The following UTP11 variants were observed in gnomAD, a reference collection of about 807,000 sequenced individuals.
UTP11 encodes probable U3 small nucleolar RNA-associated protein 11.
A neutral mutation model predicts 39.0 loss-of-function variants in UTP11; 29 were observed. That is an observed-to-expected ratio of 0.74 (90% confidence interval 0.55 to 1.01). UTP11 has a LOEUF of 1.01. Ranked by LOEUF, UTP11 falls within the 50% of genes least tolerant of loss-of-function variation. UTP11 has a pLI of 0.00. For synonymous variants in UTP11, 111 were observed against 105.0 expected (o/e 1.06, Z -0.35); for missense variants, 281 against 306.0 (o/e 0.92, Z 0.61).
At chr1:38,023,521 G>C in intron 7 of UTP11, 24 bp from the exon 8 acceptor site, 2 of 1,596,114 alleles carry the variant, frequency 1.3e-6, no homozygotes, top group South Asian at 2.3e-5. Context: ...TCTCTTTACT[G>C]ATCACCTTTT....
chr1:38,023,637 A>G lies in UTP11; in HGVS notation c.*9A>G. ...GTCGTCGAAAACGTTGACGTGTTAT[A>G]GATAAGCCTTGTCATTCTGTATCAA... On this transcript the variant is annotated 3_prime_UTR_variant, in exon 8 of 8. Coordinates refer to ENST00000373014, the MANE Select transcript of UTP11 (RefSeq NM_016037.4). 1 of 1,601,538 alleles carries G rather than the reference A, an allele frequency of 6.2e-7. No homozygotes were observed. The highest frequency in any genetic ancestry group is 8.5e-7 in the Non-Finnish European group (1 of 1,175,152).
At chr1:38,013,868 C>T (rs1646692376) in intron 1 of UTP11, among the ~76,000 whole-genome samples, 1 of 152,154 alleles carries the variant, frequency 6.6e-6, no homozygotes, top group African/African-American at 2.4e-5. Context: ...GTGCACACTA[C>T]CATGCCCTGC....
intron 6 of UTP11, among the ~76,000 whole-genome samples, chr1:38,022,019 GCTT>G (rs1263580371): frequency 6.6e-6 from 1 of 152,190 alleles, no homozygotes; most frequent in Non-Finnish European, 1.5e-5. Flanking sequence ...TCTCAGGTGA[GCTT>G]CTGCTGAAAA....
In UTP11 at chr1:38,019,165, T is replaced by A; in HGVS notation, c.436+13T>A. 1.2e-6 allele frequency: 2 copies of A among 1,614,034 alleles called. No homozygotes were observed. The highest frequency in any genetic ancestry group is 1.7e-6 in the Non-Finnish European group (2 of 1,179,984). On this transcript the variant is annotated intron_variant, in intron 5 of 7. Transcript: ENST00000373014. The stretch of plus-strand genomic sequence containing the variant: ...ACCAAAAAGGAAGGTATGAAATGTT[T>A]GAAGGTTTCTGGGACAGTCTACCAT...
chr1:38,020,316 T>A (rs566731004), intron 6 of UTP11, among the ~76,000 whole-genome samples: 66 of 152,254 alleles, frequency 4.3e-4, no homozygotes, highest in African/African-American at 1.5e-3. Context: ...TTGCCCAGGC[T>A]GGTCTTAAAC....
chr1:38,016,523 A>G (rs916869265), intron 2 of UTP11, 103 bp downstream of exon 2: 22 of 1,231,370 alleles, frequency 1.8e-5, no homozygotes, highest in Non-Finnish European at 2.4e-5. Flanking sequence ...ATTTCCTGCC[A>G]TTGATAAAAT....
intron 3 of UTP11, 114 bp downstream of exon 3, chr1:38,017,884 TC>T: frequency 1.1e-6 from 1 of 905,484 alleles, no homozygotes; most frequent in African/African-American, 1.7e-5. Context: ...CTCTGGTTAC[TC>T]CAGGTGCTCT....
At chr1:38,018,993 G>GTTTTTT in intron 4 of UTP11, 66 bp from the exon 5 acceptor site, 13 of 1,101,740 alleles carry the variant, frequency 1.2e-5, no homozygotes, top group South Asian at 3.2e-5. Flanking sequence ...AACTTTTGCA[G>GTTTTTT]TTTTTTTTTT....
chr1:38,019,618 G>A (rs1237294207), intron 6 of UTP11, among the ~76,000 whole-genome samples: 1 of 151,908 alleles, frequency 6.6e-6, no homozygotes, highest in East Asian at 1.9e-4. Context: ...CCAGTAACTG[G>A]GACTATAGGG....
chr1:38,016,281 C>A, intron 1 of UTP11, 78 bp from the exon 2 acceptor site: 1 of 1,428,554 alleles, frequency 7.0e-7, no homozygotes, highest in Non-Finnish European at 9.9e-7. Context: ...GACTCCTGTG[C>A]CTGTTAGATG....
intron 3 of UTP11, among the ~76,000 whole-genome samples, chr1:38,018,164 G>A (rs925871198): frequency 2.0e-5 from 3 of 151,762 alleles, no homozygotes; most frequent in East Asian, 1.9e-4. Context: ...TCTGCCTCCC[G>A]GGTTCAAGTG....
intron 1 of UTP11, among the ~76,000 whole-genome samples, chr1:38,013,563 A>C (rs1646689962): frequency 6.6e-6 from 1 of 152,204 alleles, no homozygotes; most frequent in African/African-American, 2.4e-5. Context: ...TCCCGTGCTT[A>C]ATATCTGATT....
intron 1 of UTP11, among the ~76,000 whole-genome samples, chr1:38,013,142 C>T (rs1429483329): frequency 1.3e-5 from 2 of 152,182 alleles, no homozygotes; most frequent in African/African-American, 4.8e-5. Flanking sequence ...AGTAAGATGT[C>T]TGTCAAGTGC....
chr1:38,023,628 A>G lies in UTP11; in HGVS notation c.762A>G (p.Ter254TrpextTer42). ...AATTTCAGAGTCGTCGAAAACGTTG[A>G]CGTGTTATAGATAAGCCTTGTCATT... ...IYKFQSRRKR* is the reference protein window; with the variant it reads ...IYKFQSRRKRW Residue 254 changes from the stop codon to tryptophan, a stop_lost, in exon 8 of 8, where the codon TGA becomes TGG. Coordinates refer to ENST00000373014, the MANE Select transcript of UTP11 (RefSeq NM_016037.4). 6.2e-7 allele frequency: 1 copy of G among 1,609,372 alleles called. No homozygotes were observed. Among genetic ancestry groups the G allele is most frequent in the Non-Finnish European group, 8.5e-7 (1 of 1,178,220 alleles).
chr1:38,020,673 C>T (rs1646731172), intron 6 of UTP11, among the ~76,000 whole-genome samples: 1 of 152,212 alleles, frequency 6.6e-6, no homozygotes, highest in African/African-American at 2.4e-5. Context: ...TCAGAGGCAG[C>T]TAAACTTGCT....
At chr1:38,022,927 C>T in intron 7 of UTP11, 118 bp downstream of exon 7, 1 of 701,446 alleles carries the variant, frequency 1.4e-6, no homozygotes, top group Non-Finnish European at 2.4e-6. Flanking sequence ...AAAATGTCTG[C>T]TCCTCAGGGG....
At chr1:38,015,774 A>G (rs774024758) in intron 1 of UTP11, among the ~76,000 whole-genome samples, 1 of 152,186 alleles carries the variant, frequency 6.6e-6, no homozygotes, top group Admixed American at 6.5e-5. Flanking sequence ...TCATGCTGGA[A>G]AGCTGCTATG....
chr1:38,022,742 A>G lies in UTP11; in HGVS notation c.611A>G (p.Gln204Arg). 6.2e-7 allele frequency: 1 copy of G among 1,614,132 alleles called. No individual in the cohort carries two copies. The highest frequency in any genetic ancestry group is 2.2e-5 in the East Asian group (1 of 44,886). The change falls in exon 7 of 8, where the codon CAG becomes CGG. Residue 204 changes from glutamine (Q) to arginine (R), a missense_variant. By Grantham distance (43) the Gln-to-Arg change is conservative (BLOSUM62 1). Coordinates refer to ENST00000373014, the MANE Select transcript of UTP11 (RefSeq NM_016037.4). ...ERQKQYNCLT[Q>R]RIEREKKLFV... ...CAAAAGCAGTATAACTGCCTGACACAGCGGATTGAACGAGAGAAGAAATTG... is the reference window on the plus strand; with the variant it reads ...CAAAAGCAGTATAACTGCCTGACACGGCGGATTGAACGAGAGAAGAAATTG...
chr1:38,023,806 G>T lies in UTP11; in HGVS notation c.*178G>T. On this transcript the variant is annotated 3_prime_UTR_variant, in exon 8 of 8. Coordinates refer to ENST00000373014, the MANE Select transcript of UTP11 (RefSeq NM_016037.4). Reference sequence around the variant, plus strand: ...TTAAATCTCCCTCCCTTCTGTAATTGTTTTTGGATTGTGAAATTAGTCTTA... The same window carrying T: ...TTAAATCTCCCTCCCTTCTGTAATTTTTTTTGGATTGTGAAATTAGTCTTA... 1 of 465,666 alleles carries T rather than the reference G, an allele frequency of 2.1e-6. No individual in the cohort carries two copies. Among genetic ancestry groups the T allele is most frequent in the Non-Finnish European group, 3.7e-6 (1 of 270,122 alleles). The allele number at this position is 465,666 out of a possible 1,614,324, so 28.8% of individuals were successfully genotyped here.
Sources: gnomAD v4.1 joint callset for allele counts (sites outside exome capture counted in the v4.1 genomes callset) on GRCh38, gnomAD v4.1.1 for gene constraint, MANE v1.5 for transcripts, NCBI Gene and HGNC (gene_info 2026-07-23, HGNC 2026-07-21) for gene names.